The following MBNL1 variants were observed in gnomAD, a reference collection of about 807,000 sequenced individuals.
The protein encoded by MBNL1 is muscleblind like splicing regulator 1.
A neutral mutation model predicts 42.2 loss-of-function variants in MBNL1; 8 were observed. That is an observed-to-expected ratio of 0.19 (90% CI 0.11 to 0.34). MBNL1 has a LOEUF of 0.34. MBNL1 is among the 10% of genes least tolerant of loss of function. The pLI, the probability that MBNL1 is intolerant of heterozygous loss-of-function variation, is 1.00. For synonymous variants in MBNL1, 169 were observed against 173.9 expected (o/e 0.97, Z 0.22); for missense variants, 309 against 495.3 (o/e 0.62, Z 3.57).
chr3:152,422,423 T>C (rs1384967248), intron 3 of MBNL1, among the ~76,000 whole-genome samples: 1 of 152,132 alleles, frequency 6.6e-6, no homozygotes, highest in Admixed American at 6.6e-5. Context: ...GATATGCACC[T>C]AATACAGAAG....
chr3:152,432,465 C>T (rs2099019918), intron 3 of MBNL1, among the ~76,000 whole-genome samples: 1 of 152,066 alleles, frequency 6.6e-6, no homozygotes, highest in African/African-American at 2.4e-5. Flanking sequence ...TATAGACCCT[C>T]AGCTACAAAA....
chr3:152,379,930 T>G (rs1267727020), intron 2 of MBNL1, among the ~76,000 whole-genome samples: 1 of 152,134 alleles, frequency 6.6e-6, no homozygotes, highest in Non-Finnish European at 1.5e-5. Context: ...AAATACTTAC[T>G]AAGTAGATAT....
intron 2 of MBNL1, chr3:152,340,316 A>G (rs1045682842): frequency 7.0e-6 from 4 of 572,676 alleles, no homozygotes; most frequent in African/African-American, 3.8e-5. Context: ...TCTCAAAAAG[A>G]AAAAGGGGAG....
chr3:152,288,559 C>G (rs2053979283), intron 1 of MBNL1, among the ~76,000 whole-genome samples: 1 of 152,108 alleles, frequency 6.6e-6, no homozygotes, highest in South Asian at 2.1e-4. Flanking sequence ...TATTTTCTGA[C>G]ATTTGTAGAT....
chr3:152,291,144 G>C (rs2055720675), intron 1 of MBNL1, among the ~76,000 whole-genome samples: 1 of 152,058 alleles, frequency 6.6e-6, no homozygotes, highest in African/African-American at 2.4e-5. Context: ...TTCTCTTGTA[G>C]AACAATTAAG....
At chr3:152,358,029 CTG>C (rs2095653752) in intron 2 of MBNL1, among the ~76,000 whole-genome samples, 1 of 152,116 alleles carries the variant, frequency 6.6e-6, no homozygotes, top group Non-Finnish European at 1.5e-5. Flanking sequence ...GTGCGTGTAT[CTG>C]TGTCTGTGTG....
intron 1 of MBNL1, among the ~76,000 whole-genome samples, chr3:152,285,789 AT>A (rs2051319201): frequency 6.6e-6 from 1 of 151,544 alleles, no homozygotes; most frequent in South Asian, 2.1e-4. Flanking sequence ...TGCCTGGCTA[AT>A]TTTTGTATTT....
At chr3:152,379,550 C>T (rs189413342) in intron 2 of MBNL1, among the ~76,000 whole-genome samples, 145 of 152,256 alleles carry the variant, frequency 9.5e-4, no homozygotes, top group Non-Finnish European at 1.6e-3. Flanking sequence ...ATTTCAGATG[C>T]GTGTGCATGT....
rs555634056 is a variant in MBNL1, at chr3:152,293,559, T to A, written c.-789-5846T>A. ...GAAGTTGTGGTTTTGGGCAAGGGGT[T>A]CTTTCTTATCAACTCCAAACTTACA... is the stretch of plus-strand genomic sequence containing the variant. On this transcript the variant is annotated intron_variant, in intron 1 of 9. Coordinates refer to ENST00000324210, the MANE Select transcript of MBNL1 (RefSeq NM_021038.5). Among the ~76,000 whole-genome samples the A allele has an allele frequency of 3.9e-5, 6 of 152,330 alleles. No homozygotes were observed. The East Asian group carries it at 1.2e-3, about 29-fold the overall frequency.
At chr3:152,269,177 G>A (rs2038450758) in intron 1 of MBNL1, 85 bp downstream of exon 1, 1 of 400,774 alleles carries the variant, frequency 2.5e-6, no homozygotes, top group South Asian at 1.8e-5. Flanking sequence ...GAGGAAGTGC[G>A]AGGAGGTGCT....
At chr3:152,299,196 A>AG (rs1243271463) in intron 1 of MBNL1, 4 of 152,804 alleles carry the variant, frequency 2.6e-5, no homozygotes, top group Admixed American at 2.6e-4. Flanking sequence ...TTGCTTCACA[A>AG]GGGGAAACGG....
chr3:152,346,321 T>TA (rs2094229661), intron 2 of MBNL1, among the ~76,000 whole-genome samples: 1 of 152,184 alleles, frequency 6.6e-6, no homozygotes, highest in African/African-American at 2.4e-5. Context: ...CTCAATGTCA[T>TA]AGAGTCAGAA....
At chr3:152,444,850 G>T (rs147737887) in intron 4 of MBNL1, among the ~76,000 whole-genome samples, 4 of 152,110 alleles carry the variant, frequency 2.6e-5, no homozygotes, top group Admixed American at 6.5e-5. Flanking sequence ...TTAAATTCAG[G>T]CAGTACTACC....
At chr3:152,342,732 C>T (rs933778751) in intron 2 of MBNL1, among the ~76,000 whole-genome samples, 5 of 152,062 alleles carry the variant, frequency 3.3e-5, no homozygotes, top group African/African-American at 1.2e-4. Flanking sequence ...AGTTTAGTGG[C>T]TTAGGGCAAA....
At chr3:152,251,621 C>T (rs555081807) in intron 2 of MBNL1, among the ~76,000 whole-genome samples, 2 of 151,616 alleles carry the variant, frequency 1.3e-5, no homozygotes, top group Admixed American at 6.6e-5. Context: ...TAATAAAGTG[C>T]TCCTCATTGT....
chr3:152,255,315 C>T (rs2035295457), intron 2 of MBNL1, among the ~76,000 whole-genome samples: 1 of 151,874 alleles, frequency 6.6e-6, no homozygotes. Flanking sequence ...AGAAAATTTT[C>T]AAAGAAATAA....
chr3:152,428,194 G>A (rs2098960639), intron 3 of MBNL1, among the ~76,000 whole-genome samples: 1 of 152,060 alleles, frequency 6.6e-6, no homozygotes, highest in Non-Finnish European at 1.5e-5. Context: ...TAATGTATTT[G>A]CTTGTTTCTG....
upstream of MBNL1, chr3:152,265,738 A>T (rs2037123899): frequency 1.3e-5 from 2 of 152,166 alleles, no homozygotes; most frequent in Admixed American, 6.5e-5. Flanking sequence ...TTATCTGAAA[A>T]TGTAGTTTAT....
chr3:152,375,619 A>G (rs2096863877), intron 2 of MBNL1, among the ~76,000 whole-genome samples: 1 of 152,128 alleles, frequency 6.6e-6, no homozygotes, highest in Non-Finnish European at 1.5e-5. Flanking sequence ...CAGCAATGAA[A>G]CCAGTAAGCC....
Sources: allele counts gnomAD v4.1 joint callset (sites outside exome capture counted in the v4.1 genomes callset), GRCh38; gene constraint gnomAD v4.1.1; transcripts MANE v1.5; gene names NCBI Gene and HGNC (gene_info 2026-07-23, HGNC 2026-07-21).